KPNA1: variants seen among roughly 807,000 people sequenced by gnomAD.
The protein encoded by KPNA1 is karyopherin subunit alpha 1.
A neutral mutation model predicts 70.5 loss-of-function variants in KPNA1; 10 were observed. The ratio of observed to expected loss-of-function variants is 0.14; its 90% confidence interval spans 0.09 to 0.24. KPNA1 has a LOEUF of 0.24. Among genes scored for constraint, KPNA1 ranks in the 10% least tolerant of loss-of-function variants. KPNA1 has a pLI of 1.00. For synonymous variants in KPNA1, 192 were observed against 221.9 expected (o/e 0.87, Z 1.20); for missense variants, 397 against 637.9 (o/e 0.62, Z 4.07).
intron 9 of KPNA1, among the ~76,000 whole-genome samples, chr3:122,443,462 A>G (rs558641520): frequency 6.6e-6 from 1 of 152,352 alleles, no homozygotes; most frequent in South Asian, 2.1e-4. Context: ...TGGTTCTCCC[A>G]GCATGGTGTT....
At chr3:122,441,913 A>G (rs1189538939) in intron 10 of KPNA1, 125 bp downstream of exon 10, 2 of 798,294 alleles carry the variant, frequency 2.5e-6, no homozygotes, top group Non-Finnish European at 4.2e-6. Context: ...ACATTTTTAA[A>G]CATTAGTGTA....
intron 1 of KPNA1, among the ~76,000 whole-genome samples, chr3:122,504,579 A>C (rs180874398): frequency 9.9e-5 from 15 of 152,284 alleles, no homozygotes; most frequent in Admixed American, 7.8e-4. Context: ...GGTTGACGGA[A>C]ACCCTGTACT....
chr3:122,479,593 C>A (rs1300894460), intron 2 of KPNA1, among the ~76,000 whole-genome samples: 1 of 152,016 alleles, frequency 6.6e-6, no homozygotes, highest in Admixed American at 6.6e-5. Flanking sequence ...AACCCTGTCT[C>A]TACTAAAAAT....
rs2076388753 is a variant in KPNA1, at chr3:122,467,036, TAA to T, written c.237+284_237+285del. Among the ~76,000 whole-genome samples, 4 of 151,280 alleles carry T rather than the reference TAA, an allele frequency of 2.6e-5. No individual in the cohort carries two copies. The South Asian group carries it at 8.3e-4, about 32-fold the overall frequency. Reference sequence around the variant, plus strand: ...ATAAATAAATAAATAAATAAATAAATAAATAAATAAATAAATAAGGTGTCTAT... The same window carrying T: ...ATAAATAAATAAATAAATAAATAAATATAAATAAATAAATAAGGTGTCTAT... On this transcript the variant is annotated intron_variant, in intron 3 of 13. Coordinates refer to ENST00000344337, the MANE Select transcript of KPNA1 (RefSeq NM_002264.4).
intron 11 of KPNA1, among the ~76,000 whole-genome samples, chr3:122,434,402 T>C (rs1044973516): frequency 6.6e-6 from 1 of 152,164 alleles, no homozygotes; most frequent in African/African-American, 2.4e-5. Flanking sequence ...TCCTCTGCTA[T>C]TCCATTCTCT....
intron 8 of KPNA1, among the ~76,000 whole-genome samples, chr3:122,450,670 A>G (rs948682154): frequency 3.3e-5 from 5 of 152,244 alleles, no homozygotes; most frequent in African/African-American, 9.6e-5. Context: ...GTAAACCAGT[A>G]TAACCACTAT....
chr3:122,506,670 T>G (rs1280869250), intron 1 of KPNA1, among the ~76,000 whole-genome samples: 5 of 152,162 alleles, frequency 3.3e-5, no homozygotes, highest in Non-Finnish European at 7.4e-5. Flanking sequence ...GGCCTCATCT[T>G]ATAGCTCTAA....
At chr3:122,453,437 C>T (rs181511608) in intron 6 of KPNA1, among the ~76,000 whole-genome samples, 1 of 152,344 alleles carries the variant, frequency 6.6e-6, no homozygotes, top group Non-Finnish European at 1.5e-5. Context: ...TTCTAGAACA[C>T]TCCTTTGTGA....
At chr3:122,446,648 A>C (rs1168599297) in intron 9 of KPNA1, among the ~76,000 whole-genome samples, 1 of 152,242 alleles carries the variant, frequency 6.6e-6, no homozygotes, top group East Asian at 1.9e-4. Context: ...AAAAGTTAGC[A>C]GAAGGCAAGA....
intron 9 of KPNA1, among the ~76,000 whole-genome samples, chr3:122,445,657 T>C (rs1179700486): frequency 6.6e-6 from 1 of 152,130 alleles, no homozygotes; most frequent in African/African-American, 2.4e-5. Flanking sequence ...TAAAATGAAA[T>C]TCACACATAA....
intron 2 of KPNA1, among the ~76,000 whole-genome samples, chr3:122,475,765 A>G (rs1308373596): frequency 6.6e-6 from 1 of 152,196 alleles, no homozygotes; most frequent in South Asian, 2.1e-4. Context: ...TTTGCATGAT[A>G]TATGTATTAT....
intron 8 of KPNA1, 55 bp downstream of exon 8, chr3:122,451,479 C>A: frequency 1.1e-6 from 1 of 907,598 alleles, no homozygotes; most frequent in Non-Finnish European, 1.7e-6. Flanking sequence ...CCATTGGTTG[C>A]AATACTCTTT....
At chr3:122,464,199 TA>T (rs1449579851) in intron 3 of KPNA1, 158 bp from the exon 4 acceptor site, 1 of 411,684 alleles carries the variant, frequency 2.4e-6, no homozygotes, top group African/African-American at 2.0e-5. Context: ...CGTGTAAGAT[TA>T]TTAATAATAT....
chr3:122,472,565 G>A lies in KPNA1; in HGVS notation c.130-5136C>T, dbSNP rs538629294. On this transcript the variant is annotated intron_variant, in intron 2 of 13. Coordinates refer to ENST00000344337, the MANE Select transcript of KPNA1 (RefSeq NM_002264.4). ...CAGCGAATTAAATCCAAAGTTAGCA[G>A]AAGAATAAAAACAAGAGCAGATATC... Among the ~76,000 whole-genome samples, 6 of 152,130 alleles carry A rather than the reference G, an allele frequency of 3.9e-5. No homozygotes were observed. In the South Asian group the frequency reaches 1.2e-3, roughly 32 times the overall value.
intron 3 of KPNA1, among the ~76,000 whole-genome samples, chr3:122,466,979 C>T (rs1374262841): frequency 6.6e-6 from 1 of 150,492 alleles, no homozygotes; most frequent in Non-Finnish European, 1.5e-5. Flanking sequence ...CCAACCTGGG[C>T]AACACAGCAA....
intron 8 of KPNA1, among the ~76,000 whole-genome samples, chr3:122,450,990 A>G (rs946995484): frequency 3.3e-5 from 5 of 152,312 alleles, no homozygotes; most frequent in African/African-American, 7.2e-5. Context: ...TTGGGGACTC[A>G]GGGAGAAAGG....
chr3:122,510,497 T>C (rs970064734), intron 1 of KPNA1, among the ~76,000 whole-genome samples: 2 of 152,140 alleles, frequency 1.3e-5, no homozygotes, highest in Non-Finnish European at 2.9e-5. Context: ...ATCACAGTAC[T>C]CTACATGGGT....
At chr3:122,481,193 A>G (rs2076566955) in intron 2 of KPNA1, among the ~76,000 whole-genome samples, 1 of 152,240 alleles carries the variant, frequency 6.6e-6, no homozygotes, top group African/African-American at 2.4e-5. Flanking sequence ...TAGTACATAC[A>G]TAGAAATAAA....
chr3:122,452,777 G>GAGATGGAGAGACGGAGAGAAGGAA (rs2076223756), intron 6 of KPNA1, among the ~76,000 whole-genome samples: 1 of 151,486 alleles, frequency 6.6e-6, no homozygotes, highest in Non-Finnish European at 1.5e-5. Context: ...GAGAGAAGGA[G>GAGATGGAGAGACGGAGAGAAGGAA]AGATGGAGAG....
Sources: allele counts gnomAD v4.1 joint callset (sites outside exome capture counted in the v4.1 genomes callset), GRCh38; gene constraint gnomAD v4.1.1; transcripts MANE v1.5; gene names NCBI Gene and HGNC (gene_info 2026-07-23, HGNC 2026-07-21).